The following SMARCC2 variants were observed in gnomAD, a reference collection of about 807,000 sequenced individuals.
SMARCC2 encodes the protein SWI/SNF complex subunit SMARCC2.
Under a neutral mutation model 151.3 loss-of-function variants are expected in SMARCC2, and 15 were observed. The ratio of observed to expected loss-of-function variants is 0.10; its 90% CI spans 0.07 to 0.15. The LOEUF (loss-of-function observed/expected upper bound fraction) is 0.15. Among genes scored for constraint, SMARCC2 ranks in the 10% least tolerant of loss-of-function variants. SMARCC2 has a pLI of 1.00. For missense variants in SMARCC2, 1,031 were observed against 1,599.7 expected (o/e 0.64, Z 6.06); for synonymous variants, 590 against 609.5 (o/e 0.97, Z 0.47).
At position 56,172,686 on chromosome 12, in the gene SMARCC2, G is replaced by C; in HGVS notation, c.1762C>G (p.Gln588Glu). The change falls in exon 19 of 29, where the codon CAA becomes GAA. Residue 588 changes from glutamine to glutamate, a missense_variant. Coordinates refer to ENST00000550164, the MANE Select transcript of SMARCC2 (RefSeq NM_001330288.2). ...CCTTTGTCAGGAAAGTTGAGCATTTGTTGGGAAGCAGAGGTCTGCTATTTG... is the reference window on the plus strand; with the variant it reads ...CCTTTGTCAGGAAAGTTGAGCATTTCTTGGGAAGCAGAGGTCTGCTATTTG... ...KPELQTSASQQMLNFPDKGKE... is the reference protein window; with the variant it reads ...KPELQTSASQEMLNFPDKGKE... 6.2e-7 allele frequency: 1 copy of C among 1,614,218 alleles called. No individual in the cohort carries two copies. Among genetic ancestry groups the C allele is most frequent in the Non-Finnish European group, 8.5e-7 (1 of 1,180,050 alleles).
In SMARCC2 at chr12:56,178,827, T is replaced by G. The variant is rs776883757; in HGVS notation, c.1162A>C (p.Met388Leu). The G allele has an allele frequency of 6.2e-7, 1 of 1,614,166 alleles. No homozygotes were observed. The highest frequency in any genetic ancestry group is 8.5e-7 in the Non-Finnish European group (1 of 1,179,990). ...TDLDEQEDES[M>L]ETTGKDEDEN... is the part of the protein sequence containing the mutation. ...GGCTCCACCTTGCCCGTCGTCTCCA[T>G]GCTTTCATCTTCCTGTTCATCTGAA... The change falls in exon 13 of 29, where the codon ATG becomes CTG. Residue 388 changes from methionine (M) to leucine (L), a missense_variant. By Grantham distance (15) the Met-to-Leu change is conservative (BLOSUM62 2). Coordinates refer to ENST00000550164, the MANE Select transcript of SMARCC2 (RefSeq NM_001330288.2).
chr12:56,184,674 G>A (rs1342619848), intron 5 of SMARCC2, 170 bp downstream of exon 5: 2 of 598,554 alleles, frequency 3.3e-6, no homozygotes, highest in Admixed American at 3.0e-5. Context: ...AAAAATGGGA[G>A]AAGCAGACAG....
rs1873996050 is a variant in SMARCC2 at position 56,171,750 on chromosome 12, A to G, written c.2114T>C (p.Met705Thr). Residue 705 changes from methionine (M) to threonine (T), a missense_variant, in exon 21 of 29, where the codon ATG becomes ACG. Physicochemically the swap from Met to Thr is moderately conservative, Grantham distance 81. Transcript: ENST00000550164. This position sits in a 1 kb window ranked among gnomAD's most constrained non-coding sequence, Gnocchi z 4.2. The part of the protein sequence containing the change: ...IPFSQSGNPV[M>T]STVAFLASVV... ...AGAGGCCAGGAAGGCAACAGTGCTCATAACAGGGTTGCCCGACTGACTGAA... is the reference window on the plus strand; with the variant it reads ...AGAGGCCAGGAAGGCAACAGTGCTCGTAACAGGGTTGCCCGACTGACTGAA... 1 of 1,609,390 alleles carries G rather than the reference A, an allele frequency of 6.2e-7. No individual in the cohort carries two copies. Among genetic ancestry groups the G allele is most frequent in the Non-Finnish European group, 8.5e-7 (1 of 1,177,840 alleles).
intron 5 of SMARCC2, chr12:56,184,481 C>A (rs1249515244): frequency 1.4e-5 from 8 of 561,876 alleles, no homozygotes; most frequent in Non-Finnish European, 2.2e-5. Flanking sequence ...ATAATCTATA[C>A]ATGGGAAATT....
Position 56,172,572 on chromosome 12 carries a change from C to G in SMARCC2, c.1863+13G>C. The stretch of plus-strand genomic sequence containing the variant: ...AACATTCTCTACCCCTAGAGTCGGC[C>G]CGCACCTCCTACCTTGGAGGGAACA... On this transcript the variant is annotated intron_variant, in intron 19 of 28. Transcript: ENST00000550164. 6.2e-7 allele frequency: 1 copy of G among 1,614,162 alleles called. No individual in the cohort carries two copies. Among genetic ancestry groups the G allele is most frequent in the Non-Finnish European group, 8.5e-7 (1 of 1,180,026 alleles).
chr12:56,186,255 T>C lies in SMARCC2; in HGVS notation c.232-15A>G, dbSNP rs375701773. 2.6e-6 allele frequency: 4 copies of C among 1,542,006 alleles called. No homozygotes were observed. In the African/African-American group the frequency reaches 4.1e-5, roughly 16 times the overall value. The stretch of plus-strand genomic sequence containing the variant: ...AAACATTTGATCTACAAAATCAAGA[T>C]ACGGAAAAAGCATGTCAAGGTTCCA... On this transcript the variant is annotated splice_polypyrimidine_tract_variant and intron_variant, in intron 2 of 28. Coordinates refer to ENST00000550164, the MANE Select transcript of SMARCC2 (RefSeq NM_001330288.2).
intron 14 of SMARCC2, 89 bp from the exon 15 acceptor site, chr12:56,178,182 G>C: frequency 4.4e-6 from 5 of 1,125,748 alleles, no homozygotes; most frequent in Non-Finnish European, 5.2e-6. Flanking sequence ...AGGCAAAGAA[G>C]GAAAAGAGCT....
At chr12:56,170,039 C>A in intron 23 of SMARCC2, 105 bp downstream of exon 23, 24 of 1,435,212 alleles carry the variant, frequency 1.7e-5, no homozygotes, top group Non-Finnish European at 2.3e-5. Flanking sequence ...TAGGAGACAA[C>A]CCCGTCCAAA....
chr12:56,164,384 G>A lies in SMARCC2; in HGVS notation c.3580C>T (p.Leu1194Phe). 1.2e-6 allele frequency: 2 copies of A among 1,613,844 alleles called. No homozygotes were observed. Among genetic ancestry groups the A allele is most frequent in the Non-Finnish European group, 1.7e-6 (2 of 1,180,030 alleles). ...MPSSLPLGPG[L>F]GSAAAQSPAI... The stretch of plus-strand genomic sequence containing the variant: ...GGGCTTTGGGCTGCGGCGGATCCGA[G>A]CCCCGGCCCGAGAGGCAAGGAAGAT... The change falls in exon 28 of 29, where the codon CTC becomes TTC. Residue 1194 changes from leucine (L) to phenylalanine (F), a missense_variant. Transcript: ENST00000550164.
chr12:56,182,928 G>A (rs149683210), intron 7 of SMARCC2, among the ~76,000 whole-genome samples: 13 of 150,604 alleles, frequency 8.6e-5, no homozygotes, highest in Middle Eastern at 3.4e-3. Context: ...CAACCTCCTG[G>A]GCTCAAGCAA....
At chr12:56,172,214 G>T in intron 20 of SMARCC2, 1 of 546,012 alleles carries the variant, frequency 1.8e-6, no homozygotes, top group Non-Finnish European at 3.2e-6. Flanking sequence ...CTGAGTAGCT[G>T]GGACCACAGG....
At position 56,169,680 on chromosome 12, in the gene SMARCC2, T is replaced by G; in HGVS notation, c.2564A>C (p.Glu855Ala). The change falls in exon 25 of 29, where the codon GAG becomes GCG. Residue 855 changes from glutamate to alanine, a missense_variant. Coordinates refer to ENST00000550164, the MANE Select transcript of SMARCC2 (RefSeq NM_001330288.2). ...DGDPIVDPEK[E>A]KEPKEGQEEV... ...CTCCTGCCCTTCCTTTGGCTCCTTCTCCTTCTCAGGATCGACTGGGCCAGG... is the reference window on the plus strand; with the variant it reads ...CTCCTGCCCTTCCTTTGGCTCCTTCGCCTTCTCAGGATCGACTGGGCCAGG... The G allele has an allele frequency of 6.2e-7, 1 of 1,614,134 alleles. No homozygotes were observed. Among genetic ancestry groups the G allele is most frequent in the African/African-American group, 1.3e-5 (1 of 75,056 alleles).
rs778598712 is a variant in SMARCC2 at position 56,187,271 on chromosome 12, C to T, written c.147G>A (p.Leu49=). The T allele has an allele frequency of 2.5e-6, 4 of 1,613,710 alleles. No individual in the cohort carries two copies. Among genetic ancestry groups the T allele is most frequent in the Non-Finnish European group, 3.4e-6 (4 of 1,179,740 alleles). Residue 49 remains leucine, a synonymous_variant, in exon 2 of 29, where the codon CTG becomes CTA. Transcript: ENST00000550164. The part of the protein sequence containing the change: ...IQAEPPTNKS[L]SSLVVQLLQF... ...GTAGCAACTGTACAACCAGGCTAGA[C>T]AGGGACTTGTTGGTGGGTGGTTCAG...
At chr12:56,176,006 G>A (rs536328602) in intron 15 of SMARCC2, among the ~76,000 whole-genome samples, 65 of 151,810 alleles carry the variant, frequency 4.3e-4, no homozygotes, top group African/African-American at 1.4e-3. Flanking sequence ...TTACAGGTGC[G>A]TGCCTCCACA....
At position 56,163,654 on chromosome 12, in the gene SMARCC2, C is replaced by T. The variant is rs202072227; in HGVS notation, c.*35G>A. The T allele has an allele frequency of 1.9e-5, 25 of 1,301,634 alleles. No individual in the cohort carries two copies. In the African/African-American group the frequency reaches 3.6e-4, roughly 19 times the overall value. 80.6% of individuals were successfully genotyped at this position (1,301,634 alleles called of 1,614,324 possible). ...GCTGTTCCTGGAACCGTGATGTCCA[C>T]AGGGGGTGAGGGGGAGAGATGTCTG... On this transcript the variant is annotated 3_prime_UTR_variant, in exon 29 of 29. Transcript: ENST00000550164.
chr12:56,169,445 G>C, intron 25 of SMARCC2, 84 bp downstream of exon 25: 1 of 1,452,410 alleles, frequency 6.9e-7, no homozygotes, highest in Non-Finnish European at 9.4e-7. Flanking sequence ...TTTAAGGTGT[G>C]AGTGAGGAAA....
chr12:56,171,894 T>C lies in SMARCC2; in HGVS notation c.1970A>G (p.His657Arg). 6.2e-7 allele frequency: 1 copy of C among 1,613,654 alleles called. No individual in the cohort carries two copies. Among genetic ancestry groups the C allele is most frequent in the Non-Finnish European group, 8.5e-7 (1 of 1,179,742 alleles). ...CTCGTCCTGTGTGCGGCTTCCCACA[T>C]GCTCGGACACTTTGTTCCAGTCATC... ...YKDDWNKVSE[H>R]VGSRTQDECI... The change falls in exon 21 of 29, where the codon CAT becomes CGT. Residue 657 changes from histidine (H) to arginine (R), a missense_variant. This residue lies in a region of SMARCC2 where 51 missense variants were observed against 137.9 expected (regional missense o/e 0.37). Transcript: ENST00000550164. This position sits in a 1 kb window ranked among gnomAD's most constrained non-coding sequence, Gnocchi z 4.2.
At chr12:56,179,703 T>C (rs1049193253) in intron 11 of SMARCC2, among the ~76,000 whole-genome samples, 2 of 152,256 alleles carry the variant, frequency 1.3e-5, no homozygotes, top group African/African-American at 4.8e-5. Flanking sequence ...TTTTGTTTTT[T>C]TGAGACGGAG....
rs1383260756 is a variant in SMARCC2, at chr12:56,184,029, A to AG, written c.563-100dup. ...AACTAATGCACTCTCCTGTTGTAGC[A>AG]GGGGACTTGGTAATAGGAACTTAAG... is the stretch of plus-strand genomic sequence containing the variant. On this transcript the variant is annotated intron_variant, in intron 6 of 28. Transcript: ENST00000550164. 5 of 1,076,854 alleles carry AG rather than the reference A, an allele frequency of 4.6e-6. No individual in the cohort carries two copies. In the African/African-American group the frequency reaches 4.7e-5, roughly 10 times the overall value. 66.7% of individuals were successfully genotyped at this position (1,076,854 alleles called of 1,614,324 possible).
Sources: gnomAD v4.1 joint callset for allele counts (sites outside exome capture counted in the v4.1 genomes callset) on GRCh38, gnomAD v4.1.1 for gene constraint, gnomAD v4.1.1 regional missense constraint, Gnocchi (gnomAD v3.1) non-coding constraint, MANE v1.5 for transcripts, NCBI Gene and HGNC (gene_info 2026-07-23, HGNC 2026-07-21) for gene names.